Variants in GRIA1 observed in about 807,000 individuals in gnomAD.
GRIA1 encodes glutamate ionotropic receptor AMPA type subunit 1.
Under a neutral mutation model 99.2 loss-of-function variants are expected in GRIA1, and 31 were observed. The observed-to-expected ratio is 0.31, with a 90% CI of 0.23 to 0.42. The LOEUF (loss-of-function observed/expected upper bound fraction) is 0.42. GRIA1 is among the 10% of genes least tolerant of loss of function. GRIA1 has a pLI of 1.00. For synonymous variants in GRIA1, 438 were observed against 432.4 expected (o/e 1.01, Z -0.16); for missense variants, 782 against 1,157.5 (o/e 0.68, Z 4.71).
At chr5:153,745,301 A>AAAAAAT in intron 11 of GRIA1, among the ~76,000 whole-genome samples, 1 of 151,116 alleles carries the variant, frequency 6.6e-6, no homozygotes, top group East Asian at 2.0e-4. Flanking sequence ...CAAAAAAAAA[A>AAAAAAT]AATAGACTGG....
At chr5:153,539,400 T>C (rs1758864697) in intron 2 of GRIA1, among the ~76,000 whole-genome samples, 1 of 152,256 alleles carries the variant, frequency 6.6e-6, no homozygotes, top group South Asian at 2.1e-4. Flanking sequence ...AAACAGATTT[T>C]CTTTTTCACT....
intron 2 of GRIA1, among the ~76,000 whole-genome samples, chr5:153,639,931 G>A (rs987411894): frequency 2.0e-5 from 3 of 152,234 alleles, no homozygotes; most frequent in Non-Finnish European, 2.9e-5. Flanking sequence ...CACTGATTTA[G>A]TTTAAACTCT....
intron 11 of GRIA1, among the ~76,000 whole-genome samples, chr5:153,744,976 C>T (rs1762047270): frequency 1.3e-5 from 2 of 152,284 alleles, no homozygotes; most frequent in Non-Finnish European, 2.9e-5. Flanking sequence ...GACTTTAAAT[C>T]ATTCAATCCA....
intron 7 of GRIA1, among the ~76,000 whole-genome samples, chr5:153,679,602 C>G (rs1486065892): frequency 2.0e-5 from 3 of 152,216 alleles, no homozygotes. Context: ...ACCTCTGGAG[C>G]CTTCCATCCA....
At chr5:153,743,737 A>ATT (rs1189790997) in intron 11 of GRIA1, among the ~76,000 whole-genome samples, 1 of 152,246 alleles carries the variant, frequency 6.6e-6, no homozygotes, top group African/African-American at 2.4e-5. Context: ...AGTTCAACTG[A>ATT]TTAATAAACG....
chr5:153,771,642 T>C lies in GRIA1; in HGVS notation c.2270+1227T>C, dbSNP rs569685649. Among the ~76,000 whole-genome samples the C allele has an allele frequency of 3.3e-5, 5 of 152,218 alleles. No individual in the cohort carries two copies. The South Asian group carries it at 1.0e-3, about 32-fold the overall frequency. ...TAGAGAACATCTACTTCCTGCAATG[T>C]AGCAGAACAAAATTCTCACTATGAA... On this transcript the variant is annotated intron_variant, in intron 13 of 15. Coordinates refer to ENST00000285900, the MANE Select transcript of GRIA1 (RefSeq NM_000827.4).
chr5:153,812,932 T>C lies in GRIA1; in HGVS notation c.*1707T>C, dbSNP rs899798396. 3.9e-5 allele frequency: 6 copies of C among 152,204 alleles called. No individual in the cohort carries two copies. The highest frequency in any genetic ancestry group is 1.2e-4 in the African/African-American group (5 of 41,422). The allele number at this position is 152,204 out of a possible 1,614,324, so 9.4% of individuals were successfully genotyped here. On this transcript the variant is annotated 3_prime_UTR_variant, in exon 16 of 16. Transcript: ENST00000285900. ...CTTACCCCCTACTTCTATCCAATTT[T>C]CTCTGCTAGGGGTTATCATTAGCAA...
intron 5 of GRIA1, among the ~76,000 whole-genome samples, chr5:153,658,547 T>C (rs1755118758): frequency 6.6e-6 from 1 of 152,214 alleles, no homozygotes; most frequent in Admixed American, 6.5e-5. Flanking sequence ...AGGCTTCAAA[T>C]TACTAATTAA....
At chr5:153,491,036 G>A (rs925943465) in intron 1 of GRIA1, 66 bp downstream of exon 1, 9 of 1,423,412 alleles carry the variant, frequency 6.3e-6, no homozygotes, top group African/African-American at 1.4e-5. Context: ...TGGGGATAGG[G>A]GTTGTGTACC....
chr5:153,688,152 A>C (rs1394521560), intron 8 of GRIA1, among the ~76,000 whole-genome samples: 1 of 152,082 alleles, frequency 6.6e-6, no homozygotes, highest in Non-Finnish European at 1.5e-5. Context: ...TCCAGAGCCC[A>C]TCTCCCATCT....
chr5:153,681,774 A>G (rs7718473), intron 7 of GRIA1, among the ~76,000 whole-genome samples: 78,589 of 151,938 alleles, frequency 0.52, 20,910 homozygotes, highest in South Asian at 0.62. Flanking sequence ...CGTGGTTCAT[A>G]CCTGTAATCC....
intron 2 of GRIA1, among the ~76,000 whole-genome samples, chr5:153,502,204 C>T (rs74852517): frequency 1.3e-3 from 201 of 152,294 alleles, no homozygotes; most frequent in East Asian, 7.9e-3. Context: ...CACTTGAACA[C>T]GTGTCTTACC....
In GRIA1 at chr5:153,758,009, G is replaced by A. The variant is rs144602128; in HGVS notation, c.1824-6425G>A. ...AATAACTACAATAATATGTTAAGAG[G>A]TAGAGCTATTGAATGTTTATTGTAA... On this transcript the variant is annotated intron_variant, in intron 11 of 15. Transcript: ENST00000285900. 6.0e-3 allele frequency among the ~76,000 whole-genome samples: 920 copies of A among 152,146 alleles called. 10 individuals are homozygous for A. Among genetic ancestry groups the A allele is most frequent in the African/African-American group, 0.021 (877 of 41,548 alleles).
At chr5:153,605,199 A>G (rs950120646) in intron 2 of GRIA1, among the ~76,000 whole-genome samples, 4 of 152,072 alleles carry the variant, frequency 2.6e-5, no homozygotes, top group South Asian at 2.1e-4. Flanking sequence ...AAAAAAAAAA[A>G]AGAGATGAGC....
chr5:153,769,746 G>A (rs1002981556), intron 12 of GRIA1, among the ~76,000 whole-genome samples: 5 of 151,898 alleles, frequency 3.3e-5, no homozygotes, highest in Non-Finnish European at 7.4e-5. Flanking sequence ...CCATGATCCA[G>A]AAATTCTTCA....
chr5:153,749,381 G>C (rs1013933997), intron 11 of GRIA1, among the ~76,000 whole-genome samples: 1 of 152,096 alleles, frequency 6.6e-6, no homozygotes, highest in Non-Finnish European at 1.5e-5. Flanking sequence ...AATTTATAAA[G>C]AAAAGAAGTT....
intron 13 of GRIA1, among the ~76,000 whole-genome samples, chr5:153,785,153 A>T (rs1764893429): frequency 6.6e-6 from 1 of 152,186 alleles, no homozygotes; most frequent in African/African-American, 2.4e-5. Context: ...GGTGAACTGG[A>T]TCTTCTTCAC....
At chr5:153,685,250 GA>G (rs1757261769) in intron 7 of GRIA1, among the ~76,000 whole-genome samples, 1 of 152,176 alleles carries the variant, frequency 6.6e-6, no homozygotes, top group Admixed American at 6.5e-5. Flanking sequence ...CTGAGCTGAT[GA>G]TACACAGCTA....
intron 2 of GRIA1, among the ~76,000 whole-genome samples, chr5:153,528,091 C>T (rs759747053): frequency 9.9e-5 from 15 of 152,174 alleles, no homozygotes; most frequent in South Asian, 4.2e-4. Context: ...TTTATGCTTG[C>T]GAAAATGTGT....
Sources: allele counts gnomAD v4.1 joint callset (sites outside exome capture counted in the v4.1 genomes callset), GRCh38; gene constraint gnomAD v4.1.1; transcripts MANE v1.5; gene names NCBI Gene and HGNC (gene_info 2026-07-23, HGNC 2026-07-21).